GPA33: variants seen among roughly 807,000 people sequenced by gnomAD.
GPA33 encodes glycoprotein A33, also known as cell surface A33 antigen.
Under a neutral mutation model 35.6 loss-of-function variants are expected in GPA33, and 27 were observed. The observed-to-expected ratio is 0.76, with a 90% CI of 0.56 to 1.04. The LOEUF is 1.04. Among genes scored for constraint, GPA33 ranks in the 50% least tolerant of loss-of-function variants. The probability of loss-of-function intolerance (pLI) is 0.00; values close to 1 mark genes in which losing one functional copy is unlikely to be tolerated. For synonymous variants in GPA33, 176 were observed against 164.0 expected (o/e 1.07, Z -0.56); for missense variants, 428 against 411.9 (o/e 1.04, Z -0.34).
chr1:167,064,365 T>C, intron 3 of GPA33, among the ~76,000 whole-genome samples: 1 of 152,160 alleles, frequency 6.6e-6, no homozygotes, highest in Non-Finnish European at 1.5e-5. Context: ...GAGAGGACAC[T>C]TGCTCATAGG....
chr1:167,054,346 G>A lies in GPA33; in HGVS notation c.948C>T (p.His316=). Residue 316 remains histidine, a synonymous_variant, in exon 7 of 7, where the codon CAC becomes CAT. Transcript: ENST00000367868. ...QRSTGRESPD[H]LDQ ...TGCTGCTGGCCTGTCACTGGTCGAG[G>A]TGGTCCGGGGATTCACGCCCAGTGC... The A allele has an allele frequency of 1.2e-6, 2 of 1,614,100 alleles. No homozygotes were observed. The highest frequency in any genetic ancestry group is 1.7e-6 in the Non-Finnish European group (2 of 1,180,004).
Position 167,080,700 on chromosome 1 carries a change from A to G in GPA33, c.44-7161T>C, listed in dbSNP as rs1327865. Among the ~76,000 whole-genome samples, 599 of 152,324 alleles carry G rather than the reference A, an allele frequency of 3.9e-3. 5 individuals carry two copies. The highest frequency in any genetic ancestry group is 0.014 in the African/African-American group (577 of 41,564). ...GTGAGAGGGTTGAATGACTTCACAT[A>G]AAGTGCATATCCTTTACCCTGGGAC... On this transcript the variant is annotated intron_variant, in intron 1 of 6. Transcript: ENST00000367868.
At chr1:167,068,257 AAC>A (rs1327115652) in intron 3 of GPA33, among the ~76,000 whole-genome samples, 5 of 152,366 alleles carry the variant, frequency 3.3e-5, no homozygotes, top group East Asian at 1.9e-4. Flanking sequence ...CTCATTAAAT[AAC>A]AGTTATTTTC....
At chr1:167,066,291 G>A (rs1325725758) in intron 3 of GPA33, among the ~76,000 whole-genome samples, 1 of 152,164 alleles carries the variant, frequency 6.6e-6, no homozygotes, top group Non-Finnish European at 1.5e-5. Flanking sequence ...CATCTACAGA[G>A]CACTCAAAGG....
chr1:167,087,932 A>ACACACACACACACACACACACACG (rs374217623), intron 1 of GPA33, among the ~76,000 whole-genome samples: 2 of 151,792 alleles, frequency 1.3e-5, no homozygotes, highest in African/African-American at 2.4e-5. Context: ...ACACACACAC[A>ACACACACACACACACACACACACG]AAGCAGACCA....
chr1:167,061,356 G>C (rs946316826), intron 4 of GPA33, among the ~76,000 whole-genome samples: 28 of 152,158 alleles, frequency 1.8e-4, no homozygotes, highest in African/African-American at 6.5e-4. Context: ...GACACTACCA[G>C]TGTCCACAGC....
At chr1:167,072,680 G>T (rs1666741941) in intron 2 of GPA33, among the ~76,000 whole-genome samples, 1 of 152,102 alleles carries the variant, frequency 6.6e-6, no homozygotes, top group Non-Finnish European at 1.5e-5. Context: ...AAATTGAAAT[G>T]CCTTTTGCAA....
chr1:167,087,003 G>A (rs544096232), intron 1 of GPA33, among the ~76,000 whole-genome samples: 2 of 152,182 alleles, frequency 1.3e-5, no homozygotes, highest in Admixed American at 1.3e-4. Flanking sequence ...CCCTTTTCAT[G>A]CAGCGGCACA....
chr1:167,072,843 A>C (rs568208175), intron 2 of GPA33, among the ~76,000 whole-genome samples: 14 of 152,006 alleles, frequency 9.2e-5, no homozygotes, highest in Non-Finnish European at 2.9e-5. Context: ...CCATGCTCGT[A>C]TATGCCCTGC....
intron 3 of GPA33, among the ~76,000 whole-genome samples, chr1:167,067,310 TAG>T (rs1036061571): frequency 3.9e-5 from 6 of 152,112 alleles, no homozygotes; most frequent in African/African-American, 1.2e-4. Context: ...ATTTATTTTG[TAG>T]AGAGGAGGTC....
chr1:167,068,209 C>A (rs1666640517), intron 3 of GPA33, among the ~76,000 whole-genome samples: 1 of 152,106 alleles, frequency 6.6e-6, no homozygotes, highest in African/African-American at 2.4e-5. Context: ...TACCTCCCAG[C>A]AGTGGTGCCA....
chr1:167,069,872 A>G (rs780681217), intron 2 of GPA33, among the ~76,000 whole-genome samples: 20 of 152,246 alleles, frequency 1.3e-4, no homozygotes, highest in Non-Finnish European at 2.5e-4. Context: ...AGTTTCTAGA[A>G]GTGCTAGCCA....
chr1:167,056,582 GT>G, intron 4 of GPA33, among the ~76,000 whole-genome samples: 1 of 1,904 alleles, frequency 5.3e-4, no homozygotes, highest in Non-Finnish European at 2.1e-3. Flanking sequence ...TGTGGCATAT[GT>G]GTGGTATGTG....
chr1:167,061,672 G>A (rs1244958880), intron 4 of GPA33, among the ~76,000 whole-genome samples: 3 of 143,836 alleles, frequency 2.1e-5, no homozygotes, highest in Non-Finnish European at 3.0e-5. Context: ...GCGCGATCTC[G>A]GCTCACTGCA....
Position 167,068,998 on chromosome 1 carries a change from G to A in GPA33, c.339C>T (p.Gly113=), listed in dbSNP as rs772967250. The A allele has an allele frequency of 2.5e-6, 4 of 1,613,928 alleles. No homozygotes were observed. The African/African-American group carries it at 5.3e-5, about 22-fold the overall frequency. ...TCAGCGAGACAGAACACTCGTAGGT[G>A]CCGTTGTCAGCCATGGTCAGCTGAT... The part of the protein sequence containing the change: ...TIDQLTMADN[G]TYECSVSLMS... The change falls in exon 3 of 7, where the codon GGC becomes GGT. Residue 113 remains glycine (G), a synonymous_variant. Coordinates refer to ENST00000367868, the MANE Select transcript of GPA33 (RefSeq NM_005814.3).
intron 1 of GPA33, among the ~76,000 whole-genome samples, chr1:167,074,548 A>T (rs538710196): frequency 1.3e-5 from 2 of 152,244 alleles, no homozygotes; most frequent in Admixed American, 6.5e-5. Flanking sequence ...CTCAGGAGTA[A>T]AATAAAGATT....
chr1:167,070,161 T>C (rs1265361805), intron 2 of GPA33, among the ~76,000 whole-genome samples: 2 of 151,962 alleles, frequency 1.3e-5, no homozygotes, highest in Non-Finnish European at 2.9e-5. Context: ...GATAAAGGTG[T>C]TGGGCATTTC....
chr1:167,070,197 G>T (rs1241205061), intron 2 of GPA33, among the ~76,000 whole-genome samples: 2 of 152,182 alleles, frequency 1.3e-5, no homozygotes, highest in Non-Finnish European at 2.9e-5. Context: ...CACAGAGAAA[G>T]AATTAGATGT....
chr1:167,058,111 A>G (rs1205071401), intron 4 of GPA33, among the ~76,000 whole-genome samples: 1 of 152,216 alleles, frequency 6.6e-6, no homozygotes, highest in Non-Finnish European at 1.5e-5. Flanking sequence ...AGGCAAAAGA[A>G]TCGCTTGAAC....
Sources: allele counts gnomAD v4.1 joint callset (sites outside exome capture counted in the v4.1 genomes callset), GRCh38; gene constraint gnomAD v4.1.1; transcripts MANE v1.5; gene names NCBI Gene and HGNC (gene_info 2026-07-23, HGNC 2026-07-21).